The following SCGB2B2 variants were observed in gnomAD, a reference collection of about 807,000 sequenced individuals.
The protein encoded by SCGB2B2 is secretoglobin-like protein.
Under a neutral mutation model 7.6 loss-of-function variants are expected in SCGB2B2, and 11 were observed. That is an observed-to-expected ratio of 1.45 (90% CI 0.91 to 2.40). SCGB2B2 has a LOEUF of 2.40. Among genes scored for constraint, SCGB2B2 ranks in the 30% most tolerant of loss-of-function variants. The pLI is 0.00. For missense variants in SCGB2B2, 104 were observed against 115.4 expected (o/e 0.90, Z 0.45); for synonymous variants, 50 against 48.6 (o/e 1.03, Z -0.12).
chr19:34,654,489 AAATTT>A (rs1302059011), intron 1 of SCGB2B2, among the ~76,000 whole-genome samples: 4 of 151,348 alleles, frequency 2.6e-5, no homozygotes, highest in Non-Finnish European at 5.9e-5. Context: ...ACAAAAAATT[AAATTT>A]AACAAACATA....
intron 1 of SCGB2B2, among the ~76,000 whole-genome samples, chr19:34,669,061 C>T (rs2067726044): frequency 6.6e-6 from 1 of 152,126 alleles, no homozygotes; most frequent in Non-Finnish European, 1.5e-5. Flanking sequence ...AGCTGTAACA[C>T]TCACCATGAA....
chr19:34,664,977 A>G (rs1335699880), intron 1 of SCGB2B2, among the ~76,000 whole-genome samples: 1 of 151,720 alleles, frequency 6.6e-6, no homozygotes, highest in African/African-American at 2.4e-5. Flanking sequence ...CCTCCTGCCC[A>G]GGTGTTTGGC....
rs1390465802 is a variant in SCGB2B2, at chr19:34,676,650, C to T, written c.-3052G>A. ...TTCTTGCGTGAGCTCTAAGAACTCT[C>T]TCTTGGGGTCGGATCCGGACCCCTT... is the stretch of plus-strand genomic sequence containing the variant. On this transcript the variant is annotated 5_prime_UTR_variant, in exon 1 of 4. Transcript: ENST00000601241. The T allele has an allele frequency of 1.3e-5, 2 of 152,238 alleles. No homozygotes were observed. The highest frequency in any genetic ancestry group is 2.9e-5 in the Non-Finnish European group (2 of 68,060). The allele number at this position is 152,238 out of a possible 1,614,324, so 9.4% of individuals were successfully genotyped here.
intron 1 of SCGB2B2, among the ~76,000 whole-genome samples, chr19:34,640,955 A>T (rs2066823740): frequency 1.3e-5 from 2 of 152,178 alleles, no homozygotes; most frequent in South Asian, 2.1e-4. Flanking sequence ...AAGGAAACTA[A>T]TTTGAGGTCT....
At position 34,592,695 on chromosome 19, in the gene SCGB2B2, G is replaced by A. The variant is rs535211347; in HGVS notation, c.*860C>T. Among the ~76,000 whole-genome samples, 6 of 152,228 alleles carry A rather than the reference G, an allele frequency of 3.9e-5. No homozygotes were observed. The South Asian group carries it at 1.0e-3, about 26-fold the overall frequency. On this transcript the variant is annotated 3_prime_UTR_variant, in exon 4 of 4. Coordinates refer to ENST00000601241, the MANE Select transcript of SCGB2B2 (RefSeq NM_001025591.4). ...CAACTGAGGGGTGAGGTGGGAGAGAGGGGCCGTGTTTGAGGGTGGCACTCG... is the reference window on the plus strand; with the variant it reads ...CAACTGAGGGGTGAGGTGGGAGAGAAGGGCCGTGTTTGAGGGTGGCACTCG...
At chr19:34,653,234 G>C (rs1448048812) in intron 1 of SCGB2B2, among the ~76,000 whole-genome samples, 1 of 151,088 alleles carries the variant, frequency 6.6e-6, no homozygotes, top group South Asian at 2.1e-4. Context: ...ATAGCCAAAA[G>C]TTGATGGATG....
At position 34,614,013 on chromosome 19, in the gene SCGB2B2, A is replaced by C. The variant is rs1001929539; in HGVS notation, c.-2031-17419T>G. On this transcript the variant is annotated intron_variant, in intron 1 of 3. Coordinates refer to ENST00000601241, the MANE Select transcript of SCGB2B2 (RefSeq NM_001025591.4). ...CTATTGGTCTACTGGCAATTTCTTT[A>C]TATGTGACTTGACGCTTTTGCTGTT... Among the ~76,000 whole-genome samples the C allele has an allele frequency of 2.0e-5, 3 of 152,170 alleles. No individual in the cohort carries two copies. In the East Asian group the frequency reaches 5.8e-4, roughly 29 times the overall value.
At chr19:34,675,542 T>C (rs1322852502) in intron 1 of SCGB2B2, 88 bp downstream of exon 1, 1 of 152,176 alleles carries the variant, frequency 6.6e-6, no homozygotes, top group Non-Finnish European at 1.5e-5. Flanking sequence ...AAGCTACAGG[T>C]CAGGTCATAA....
At chr19:34,587,510 T>C (rs764654415), downstream of SCGB2B2, among the ~76,000 whole-genome samples, 19 of 152,348 alleles carry the variant, frequency 1.2e-4, no homozygotes, top group Non-Finnish European at 2.1e-4. Context: ...CCAGTCTGGA[T>C]GCCCTTTGTT....
intron 1 of SCGB2B2, chr19:34,645,757 G>T: frequency 2.9e-6 from 1 of 346,268 alleles, no homozygotes; most frequent in Non-Finnish European, 5.8e-6. Context: ...AGAGGAAACA[G>T]GTGGCCCTGC....
At position 34,595,264 on chromosome 19, in the gene SCGB2B2, AG is replaced by A; in HGVS notation, c.-702del. On this transcript the variant is annotated 5_prime_UTR_variant, in exon 2 of 4. Transcript: ENST00000601241. The stretch of plus-strand genomic sequence containing the variant: ...AGTTAAGAGTGAAAGGTGGGGAGCC[AG>A]GGGGCCAGTGCAAAATGTGGAGGCT... 1 of 152,644 alleles carries A rather than the reference AG, an allele frequency of 6.6e-6. No individual in the cohort carries two copies. The highest frequency in any genetic ancestry group is 1.5e-5 in the Non-Finnish European group (1 of 68,276). The allele number at this position is 152,644 out of a possible 1,614,324, so 9.5% of individuals were successfully genotyped here.
chr19:34,607,906 C>A (rs2065825775), intron 1 of SCGB2B2, among the ~76,000 whole-genome samples: 2 of 152,164 alleles, frequency 1.3e-5, no homozygotes, highest in Non-Finnish European at 2.9e-5. Context: ...CCTCCAGCTT[C>A]ATCTTCTCAC....
intron 3 of SCGB2B2, 142 bp from the exon 4 acceptor site, chr19:34,593,741 G>A (rs2065360768): frequency 3.0e-6 from 2 of 661,434 alleles, no homozygotes; most frequent in Admixed American, 5.0e-5. Flanking sequence ...GGACAAAGAT[G>A]GTGGATGTGG....
At chr19:34,646,564 T>G (rs949807275) in intron 1 of SCGB2B2, 1 of 152,354 alleles carries the variant, frequency 6.6e-6, no homozygotes, top group Non-Finnish European at 1.5e-5. Flanking sequence ...CTCTGACCTC[T>G]GGGACTGGGT....
chr19:34,670,578 TTTTTTC>T (rs2067776484), intron 1 of SCGB2B2, among the ~76,000 whole-genome samples: 1 of 152,226 alleles, frequency 6.6e-6, no homozygotes, highest in Non-Finnish European at 1.5e-5. Context: ...CCATTTAAAC[TTTTTTC>T]TTTATTATTG....
At chr19:34,629,587 A>G (rs535270489) in intron 1 of SCGB2B2, among the ~76,000 whole-genome samples, 1 of 152,084 alleles carries the variant, frequency 6.6e-6, no homozygotes, top group Non-Finnish European at 1.5e-5. Flanking sequence ...CTTCAAGGAG[A>G]ACTACAAACC....
At chr19:34,664,610 C>T (rs1324516188) in intron 1 of SCGB2B2, among the ~76,000 whole-genome samples, 1 of 152,218 alleles carries the variant, frequency 6.6e-6, no homozygotes, top group Non-Finnish European at 1.5e-5. Flanking sequence ...TGGTGCTCTG[C>T]TGTGCCAGGT....
chr19:34,634,670 TG>T (rs1432320614), intron 1 of SCGB2B2, among the ~76,000 whole-genome samples: 1 of 152,202 alleles, frequency 6.6e-6, no homozygotes, highest in African/African-American at 2.4e-5. Flanking sequence ...CATAGGCTGT[TG>T]GTTTAAGCCT....
chr19:34,594,000 G>T (rs2065368430), intron 3 of SCGB2B2, among the ~76,000 whole-genome samples, 175 bp downstream of exon 3: 1 of 151,600 alleles, frequency 6.6e-6, no homozygotes, highest in South Asian at 2.1e-4. Context: ...GACTTGGAGA[G>T]GTGAGGCAGG....
Sources: allele counts gnomAD v4.1 joint callset (sites outside exome capture counted in the v4.1 genomes callset), GRCh38; gene constraint gnomAD v4.1.1; transcripts MANE v1.5; gene names NCBI Gene and HGNC (gene_info 2026-07-23, HGNC 2026-07-21).